Variants in PPHLN1 observed in about 807,000 individuals in gnomAD.
The protein encoded by PPHLN1 is periphilin-1.
PPHLN1 carries 29 observed loss-of-function variants against 51.3 expected under a neutral mutation model. That is an observed-to-expected ratio of 0.57 (90% CI 0.42 to 0.77). The LOEUF is 0.77. Among genes scored for constraint, PPHLN1 ranks in the 30% least tolerant of loss-of-function variants. PPHLN1 has a pLI of 0.00. For synonymous variants in PPHLN1, 147 were observed against 147.8 expected (o/e 0.99, Z 0.04); for missense variants, 436 against 438.4 (o/e 0.99, Z 0.05).
intron 9 of PPHLN1, among the ~76,000 whole-genome samples, chr12:42,412,389 C>G (rs1277159122): frequency 6.6e-6 from 1 of 151,800 alleles, no homozygotes; most frequent in Non-Finnish European, 1.5e-5. Flanking sequence ...TATTGGCTTC[C>G]AGCTCTATCA....
chr12:42,330,398 G>A (rs981575178), intron 1 of PPHLN1, among the ~76,000 whole-genome samples: 14 of 152,208 alleles, frequency 9.2e-5, no homozygotes, highest in African/African-American at 2.2e-4. Context: ...CTCGTCCCAC[G>A]AGGCCATATC....
intron 1 of PPHLN1, among the ~76,000 whole-genome samples, chr12:42,333,820 A>C (rs774930307): frequency 3.3e-5 from 5 of 152,150 alleles, no homozygotes; most frequent in Non-Finnish European, 5.9e-5. Context: ...TGCTTTCCTT[A>C]ATCTCATCAC....
chr12:42,370,572 A>T (rs2075709332), intron 4 of PPHLN1, among the ~76,000 whole-genome samples: 1 of 151,866 alleles, frequency 6.6e-6, no homozygotes, highest in South Asian at 2.1e-4. Context: ...CTTCTTTACC[A>T]TTAACATTTT....
chr12:42,418,211 C>CTT (rs60029170), intron 9 of PPHLN1, among the ~76,000 whole-genome samples: 1,568 of 98,284 alleles, frequency 0.016, 142 homozygotes, highest in African/African-American at 0.061. Context: ...TCCCGGCCCT[C>CTT]TTTTTTTTTT....
intron 9 of PPHLN1, among the ~76,000 whole-genome samples, chr12:42,425,143 C>T (rs930740220): frequency 8.6e-5 from 13 of 151,872 alleles, no homozygotes; most frequent in South Asian, 2.1e-4. Flanking sequence ...TGCAGTGGCG[C>T]GATCTCGGCT....
At chr12:42,373,799 A>G (rs2076004071) in intron 4 of PPHLN1, among the ~76,000 whole-genome samples, 2 of 152,192 alleles carry the variant, frequency 1.3e-5, no homozygotes, top group South Asian at 4.1e-4. Context: ...TTAATTTATA[A>G]AAGTAGAGGT....
chr12:42,442,834 AAC>A, downstream of PPHLN1: 1 of 1,576,588 alleles, frequency 6.3e-7, no homozygotes, highest in South Asian at 1.1e-5. Flanking sequence ...ACACAACAGA[AAC>A]AGTATATAAA....
In PPHLN1 at chr12:42,355,804, A is replaced by C. The variant is rs143369948; in HGVS notation, c.299+582A>C. On this transcript the variant is annotated intron_variant, in intron 4 of 9. Coordinates refer to ENST00000358314, the MANE Select transcript of PPHLN1 (RefSeq NM_201439.2). The stretch of plus-strand genomic sequence containing the variant: ...ATTTAGTTTTGCAATCTAATTATTA[A>C]ATTATTAATGTGTGGTATGGATTAT... 352 of 151,764 alleles carry C rather than the reference A, an allele frequency of 2.3e-3. 1 individual carries two copies. The highest frequency in any genetic ancestry group is 8.2e-3 in the African/African-American group (342 of 41,490). 9.4% of individuals were successfully genotyped at this position (151,764 alleles called of 1,614,324 possible). A position where few individuals can be genotyped will look rare whatever the true frequency, so the allele number is the denominator to read the frequency against.
intron 1 of PPHLN1, among the ~76,000 whole-genome samples, chr12:42,333,459 TTTTTTTA>T (rs1222238967): frequency 4.7e-4 from 72 of 151,648 alleles, no homozygotes; most frequent in Non-Finnish European, 6.5e-4. Context: ...TATACTTCCT[TTTTTTTA>T]TTTTTTATTT....
intron 1 of PPHLN1, among the ~76,000 whole-genome samples, chr12:42,335,315 TA>T (rs1394471678): frequency 3.3e-5 from 5 of 152,142 alleles, no homozygotes; most frequent in African/African-American, 9.7e-5. Flanking sequence ...TTTATAGCGT[TA>T]AAAAAATCAG....
chr12:42,402,669 T>G (rs185890716), intron 9 of PPHLN1, among the ~76,000 whole-genome samples: 16 of 118,630 alleles, frequency 1.3e-4, no homozygotes, highest in East Asian at 1.2e-3. Context: ...GAATTTTAAG[T>G]TTTTTTTTTA....
chr12:42,425,504 A>G (rs1048346098), intron 9 of PPHLN1, among the ~76,000 whole-genome samples: 2 of 151,986 alleles, frequency 1.3e-5, no homozygotes, highest in African/African-American at 2.4e-5. Context: ...CTCCTCCCTC[A>G]GCCTCCTGAG....
intron 2 of PPHLN1, among the ~76,000 whole-genome samples, chr12:42,349,107 C>T (rs2072812354): frequency 6.6e-6 from 1 of 152,084 alleles, no homozygotes; most frequent in Non-Finnish European, 1.5e-5. Flanking sequence ...AGTATATAGT[C>T]ATTTAATAAC....
downstream of PPHLN1, chr12:42,448,001 AT>A (rs1263896850): frequency 6.6e-6 from 1 of 152,168 alleles, no homozygotes; most frequent in Admixed American, 6.5e-5. Flanking sequence ...ATGAGCAGTG[AT>A]TTTATTTGTT....
intron 6 of PPHLN1, among the ~76,000 whole-genome samples, chr12:42,386,524 C>CT (rs1403193771): frequency 6.6e-6 from 1 of 152,134 alleles, no homozygotes; most frequent in Admixed American, 6.5e-5. Flanking sequence ...TTTATCTCTG[C>CT]TTTTGCTCTT....
At chr12:42,354,170 T>C (rs1259963179) in intron 3 of PPHLN1, among the ~76,000 whole-genome samples, 1 of 152,178 alleles carries the variant, frequency 6.6e-6, no homozygotes, top group African/African-American at 2.4e-5. Context: ...TTTAGACGAA[T>C]CCGTTTTCCT....
chr12:42,427,040 T>G (rs1447108876), intron 9 of PPHLN1, among the ~76,000 whole-genome samples: 1 of 152,154 alleles, frequency 6.6e-6, no homozygotes, highest in Non-Finnish European at 1.5e-5. Context: ...ATGTAAGACT[T>G]TTTTTCACTT....
At chr12:42,334,403 A>G (rs1373381440) in intron 1 of PPHLN1, among the ~76,000 whole-genome samples, 1 of 152,220 alleles carries the variant, frequency 6.6e-6, no homozygotes, top group Non-Finnish European at 1.5e-5. Context: ...AGAAAATATT[A>G]TAGTTGTGTT....
intron 9 of PPHLN1, among the ~76,000 whole-genome samples, chr12:42,434,420 G>A (rs1360162652): frequency 2.0e-5 from 3 of 152,220 alleles, no homozygotes; most frequent in Non-Finnish European, 4.4e-5. Flanking sequence ...CACTTTCTGT[G>A]AGCTGCTCTT....
Sources: allele counts gnomAD v4.1 joint callset (sites outside exome capture counted in the v4.1 genomes callset), GRCh38; gene constraint gnomAD v4.1.1; transcripts MANE v1.5; gene names NCBI Gene and HGNC (gene_info 2026-07-23, HGNC 2026-07-21).